SPICE1: variants seen among roughly 807,000 people sequenced by gnomAD.
SPICE1 encodes spindle and centriole-associated protein 1.
A neutral mutation model predicts 102.7 loss-of-function variants in SPICE1; 75 were observed. The observed-to-expected ratio is 0.73, with a 90% CI of 0.61 to 0.88. The LOEUF is 0.88. Among genes scored for constraint, SPICE1 ranks in the 40% least tolerant of loss-of-function variants. SPICE1 has a pLI of 0.00. For missense variants in SPICE1, 979 were observed against 1,020.1 expected (o/e 0.96, Z 0.55); for synonymous variants, 308 against 350.3 (o/e 0.88, Z 1.35).
intron 4 of SPICE1, among the ~76,000 whole-genome samples, chr3:113,498,676 A>G (rs912187005): frequency 6.6e-6 from 1 of 152,206 alleles, no homozygotes; most frequent in African/African-American, 2.4e-5. Flanking sequence ...AAATTCCTCA[A>G]AAGAAAATGT....
At chr3:113,469,879 T>C (rs78085492) in intron 7 of SPICE1, among the ~76,000 whole-genome samples, 6,229 of 152,208 alleles carry the variant, frequency 0.041, 417 homozygotes, top group African/African-American at 0.14. Context: ...CAGCCCCTTT[T>C]GGTTTCTCTG....
intron 7 of SPICE1, among the ~76,000 whole-genome samples, chr3:113,479,744 C>G (rs1010881442): frequency 6.6e-6 from 1 of 152,104 alleles, no homozygotes; most frequent in Admixed American, 6.5e-5. Flanking sequence ...GTATGGTACA[C>G]ATTTATAGTA....
rs1001360798 is a variant in SPICE1 at position 113,475,242 on chromosome 3, T to C, written c.612-6004A>G. 3.9e-5 allele frequency among the ~76,000 whole-genome samples: 6 copies of C among 152,192 alleles called. No individual in the cohort carries two copies. In the East Asian group the frequency reaches 1.2e-3, roughly 29 times the overall value. On this transcript the variant is annotated intron_variant, in intron 7 of 17. Transcript: ENST00000295872. Reference sequence around the variant, plus strand: ...TCCCAAGACTAAACCAGGAAGAAGTTGAATCTCTGAATAGACCAATAACAG... The same window carrying C: ...TCCCAAGACTAAACCAGGAAGAAGTCGAATCTCTGAATAGACCAATAACAG...
chr3:113,481,820 T>C (rs1176780208), intron 7 of SPICE1, among the ~76,000 whole-genome samples: 1 of 152,218 alleles, frequency 6.6e-6, no homozygotes, highest in Non-Finnish European at 1.5e-5. Context: ...CTATCATTGA[T>C]GGGCACATGG....
At chr3:113,492,395 G>T (rs1316683600) in intron 6 of SPICE1, among the ~76,000 whole-genome samples, 2 of 151,956 alleles carry the variant, frequency 1.3e-5, no homozygotes, top group African/African-American at 2.4e-5. Flanking sequence ...TGCATAAGTT[G>T]TCTTATTTTA....
At chr3:113,484,122 G>C (rs933735731) in intron 7 of SPICE1, among the ~76,000 whole-genome samples, 1 of 152,138 alleles carries the variant, frequency 6.6e-6, no homozygotes, top group Admixed American at 6.5e-5. Flanking sequence ...TATGTGTCCA[G>C]GAATTTATCC....
chr3:113,454,344 G>C (rs916714599), intron 13 of SPICE1, among the ~76,000 whole-genome samples: 1 of 152,184 alleles, frequency 6.6e-6, no homozygotes, highest in African/African-American at 2.4e-5. Context: ...AATAGGAACT[G>C]AGCAAAGGAC....
At chr3:113,468,455 A>G in intron 9 of SPICE1, 51 bp from the exon 10 acceptor site, 1 of 1,559,704 alleles carries the variant, frequency 6.4e-7, no homozygotes, top group South Asian at 1.2e-5. Flanking sequence ...AATTATGACT[A>G]GAAAACTACT....
At chr3:113,460,863 A>G in intron 11 of SPICE1, 99 bp from the exon 12 acceptor site, 3 of 973,684 alleles carry the variant, frequency 3.1e-6, no homozygotes, top group Non-Finnish European at 4.4e-6. Context: ...GTTTAATATC[A>G]TATCAATACA....
chr3:113,456,473 T>A (rs1410317280), intron 13 of SPICE1, among the ~76,000 whole-genome samples: 1 of 152,110 alleles, frequency 6.6e-6, no homozygotes, highest in East Asian at 1.9e-4. Context: ...AAAATGTACA[T>A]GGGGACAAAT....
chr3:113,485,167 G>GTTTT (rs767458439), intron 7 of SPICE1, among the ~76,000 whole-genome samples: 3 of 147,278 alleles, frequency 2.0e-5, no homozygotes, highest in Admixed American at 6.7e-5. Flanking sequence ...AGCTGCAGGA[G>GTTTT]TTTTGTTTGT....
At chr3:113,514,062 A>C (rs1357097706) in intron 1 of SPICE1, among the ~76,000 whole-genome samples, 1 of 152,264 alleles carries the variant, frequency 6.6e-6, no homozygotes, top group South Asian at 2.1e-4. Context: ...GAGAGCTAAA[A>C]TACGAATAAA....
chr3:113,514,316 A>T (rs1228562479), intron 1 of SPICE1: 1 of 232,030 alleles, frequency 4.3e-6, no homozygotes, highest in Non-Finnish European at 8.6e-6. Flanking sequence ...TGGTGTGGAA[A>T]ACTGATCAAA....
At position 113,515,094 on chromosome 3, in the gene SPICE1, C is replaced by T. The variant is rs1937297828; in HGVS notation, c.-198G>A. 1 of 167,752 alleles carries T rather than the reference C, an allele frequency of 6.0e-6. No homozygotes were observed. Among genetic ancestry groups the T allele is most frequent in the Admixed American group, 6.4e-5 (1 of 15,632 alleles). 10.4% of individuals were successfully genotyped at this position (167,752 alleles called of 1,614,324 possible). A position where few individuals can be genotyped will look rare whatever the true frequency, so the allele number is the denominator to read the frequency against. On this transcript the variant is annotated 5_prime_UTR_variant, in exon 1 of 18. Coordinates refer to ENST00000295872, the MANE Select transcript of SPICE1 (RefSeq NM_144718.4). ...TCTCAACCTGCCTTGCAGTCGGTCC[C>T]GACTGCCGCCGCCACCGCAGCTAAA...
chr3:113,479,178 A>C (rs1039640138), intron 7 of SPICE1, among the ~76,000 whole-genome samples: 2 of 135,864 alleles, frequency 1.5e-5, no homozygotes, highest in South Asian at 2.4e-4. Context: ...TCCTGTGGCC[A>C]TGTGTTCTCA....
At chr3:113,455,036 ATCC>A (rs1202891903) in intron 13 of SPICE1, among the ~76,000 whole-genome samples, 2 of 152,046 alleles carry the variant, frequency 1.3e-5, no homozygotes, top group African/African-American at 4.8e-5. Flanking sequence ...AACTTAAATA[ATCC>A]TCCTCATTTC....
intron 13 of SPICE1, among the ~76,000 whole-genome samples, chr3:113,454,703 C>T (rs548842967): frequency 2.6e-4 from 39 of 149,956 alleles, no homozygotes; most frequent in African/African-American, 6.6e-4. Context: ...GTGACAAGAG[C>T]GAAACTCCAT....
chr3:113,493,932 C>T lies in SPICE1; in HGVS notation c.385+117G>A. On this transcript the variant is annotated intron_variant, in intron 5 of 17. Transcript: ENST00000295872. ...CCCTAACAACCCTTGTAAATCCACC[C>T]TACAATACTTGTAATATAAATAATA... is the stretch of plus-strand genomic sequence containing the variant. The T allele has an allele frequency of 4.5e-6, 3 of 671,580 alleles. No homozygotes were observed. The South Asian group carries it at 6.2e-5, about 14-fold the overall frequency. The allele number at this position is 671,580 out of a possible 1,614,324, so 41.6% of individuals were successfully genotyped here.
At chr3:113,502,662 TAAAAAAA>T (rs35248720) in intron 3 of SPICE1, among the ~76,000 whole-genome samples, 1 of 87,286 alleles carries the variant, frequency 1.1e-5, no homozygotes, top group Non-Finnish European at 2.2e-5. Flanking sequence ...CAATAAATCT[TAAAAAAA>T]AAAAAAAAAA....
Sources: gnomAD v4.1 joint callset for allele counts (sites outside exome capture counted in the v4.1 genomes callset) on GRCh38, gnomAD v4.1.1 for gene constraint, MANE v1.5 for transcripts, NCBI Gene and HGNC (gene_info 2026-07-23, HGNC 2026-07-21) for gene names.